Variants in C12orf42 observed in about 807,000 individuals in gnomAD.
C12orf42 encodes chromosome 12 open reading frame 42.
In C12orf42, 25 loss-of-function variants were observed where a neutral mutation model predicts 21.6. That is an observed-to-expected ratio of 1.16 (90% CI 0.84 to 1.62). C12orf42 has a LOEUF of 1.62. Among genes scored for constraint, C12orf42 ranks in the 40% most tolerant of loss-of-function variants. The pLI, the probability that C12orf42 is intolerant of heterozygous loss-of-function variation, is 0.00. For synonymous variants in C12orf42, 174 were observed against 175.0 expected (o/e 0.99, Z 0.05); for missense variants, 483 against 459.3 (o/e 1.05, Z -0.47).
intron 1 of C12orf42, among the ~76,000 whole-genome samples, chr12:103,481,277 G>A (rs889543562): frequency 6.6e-6 from 1 of 151,802 alleles, no homozygotes; most frequent in Non-Finnish European, 1.5e-5. Flanking sequence ...GTATGTGGCT[G>A]AAGAAATATT....
At chr12:103,448,122 A>G (rs775765734) in intron 2 of C12orf42, among the ~76,000 whole-genome samples, 1 of 151,986 alleles carries the variant, frequency 6.6e-6, no homozygotes, top group African/African-American at 2.4e-5. Context: ...AGAATAGAAA[A>G]CCCAGAGATA....
In C12orf42 at chr12:103,302,222, G is replaced by A. The variant is rs375232901; in HGVS notation, c.969C>T (p.Pro323=). Residue 323 remains proline, a synonymous_variant, in exon 6 of 6, where the codon CCC becomes CCT. Coordinates refer to ENST00000548883, the MANE Select transcript of C12orf42 (RefSeq NM_198521.5). ...AGCAAACCTTTATTAACCTCTTGGA[G>A]GGGAAATGGGTGGAAGCACCGGCCA... is the stretch of plus-strand genomic sequence containing the variant. The part of the protein sequence containing the change: ...PLLAGASTHF[P]SKRLIKVCSS... 13 of 1,612,154 alleles carry A rather than the reference G, an allele frequency of 8.1e-6. No individual in the cohort carries two copies. In the African/African-American group the frequency reaches 1.2e-4, roughly 15 times the overall value.
chr12:103,528,088 T>G, the C12orf42 span, among the ~76,000 whole-genome samples: 3 of 152,230 alleles, frequency 2.0e-5, no homozygotes, highest in Non-Finnish European at 4.4e-5. Context: ...AATACTGGCT[T>G]ACTATAGGCA....
chr12:103,536,263 G>A, the C12orf42 span, among the ~76,000 whole-genome samples: 3 of 152,150 alleles, frequency 2.0e-5, no homozygotes, highest in Non-Finnish European at 4.4e-5. Flanking sequence ...TCTGAGAGAG[G>A]AACACAAGAG....
At chr12:103,294,639 G>GAAAAAGAAAGAAA in intron 4 of C12orf42, among the ~76,000 whole-genome samples, 1 of 119,196 alleles carries the variant, frequency 8.4e-6, no homozygotes, top group African/African-American at 3.1e-5. Context: ...AAAGAAAGAA[G>GAAAAAGAAAGAAA]GAAAAGAAAG....
chr12:103,188,147 G>T, the C12orf42 span, among the ~76,000 whole-genome samples: 1 of 152,130 alleles, frequency 6.6e-6, no homozygotes, highest in Non-Finnish European at 1.5e-5. Context: ...GTTCAGAAAT[G>T]AGCAGTTCAC....
chr12:103,190,472 T>C, the C12orf42 span, among the ~76,000 whole-genome samples: 5 of 152,182 alleles, frequency 3.3e-5, no homozygotes, highest in Non-Finnish European at 5.9e-5. Context: ...TCCAGTCAAG[T>C]TGACATCTAA....
chr12:103,324,992 T>C (rs2040534991), intron 4 of C12orf42, among the ~76,000 whole-genome samples: 2 of 152,318 alleles, frequency 1.3e-5, no homozygotes, highest in South Asian at 2.1e-4. Context: ...TAACCGAAAA[T>C]TAACAAAAAT....
intron 2 of C12orf42, among the ~76,000 whole-genome samples, chr12:103,408,871 C>G (rs1447036398): frequency 2.0e-5 from 3 of 152,116 alleles, no homozygotes; most frequent in Non-Finnish European, 4.4e-5. Flanking sequence ...CTAAAAAATC[C>G]AGGAGATGAA....
the C12orf42 span, among the ~76,000 whole-genome samples, chr12:103,058,187 C>A: frequency 6.6e-6 from 1 of 152,036 alleles, no homozygotes; most frequent in Non-Finnish European, 1.5e-5. Flanking sequence ...GATCTCTTGA[C>A]CTCGTGATCC....
intron 4 of C12orf42, among the ~76,000 whole-genome samples, chr12:103,343,041 C>A: frequency 6.6e-6 from 1 of 152,142 alleles, no homozygotes; most frequent in East Asian, 1.9e-4. Context: ...TAGCACAAAT[C>A]CAAATGGAAT....
chr12:103,077,121 G>A, the C12orf42 span, among the ~76,000 whole-genome samples: 1 of 152,110 alleles, frequency 6.6e-6, no homozygotes, highest in Non-Finnish European at 1.5e-5. Context: ...AAATTATTAA[G>A]GTTAATATGA....
chr12:103,380,550 T>C (rs149049468), intron 3 of C12orf42, among the ~76,000 whole-genome samples: 27 of 152,304 alleles, frequency 1.8e-4, no homozygotes, highest in Non-Finnish European at 3.8e-4. Flanking sequence ...ATTAGAACTT[T>C]GTTGTATAAA....
intron 1 of C12orf42, among the ~76,000 whole-genome samples, chr12:103,489,924 G>A (rs1022527751): frequency 5.3e-5 from 8 of 152,256 alleles, no homozygotes; most frequent in Admixed American, 3.9e-4. Flanking sequence ...CCAATGCCCC[G>A]CCCTGCTTCA....
chr12:103,442,237 A>G (rs932531507), intron 2 of C12orf42, among the ~76,000 whole-genome samples: 1 of 152,240 alleles, frequency 6.6e-6, no homozygotes, highest in African/African-American at 2.4e-5. Context: ...TAATGTCAGC[A>G]ACTAACCATA....
At chr12:103,500,229 A>G (rs116744926), upstream of C12orf42, among the ~76,000 whole-genome samples, 696 of 152,328 alleles carry the variant, frequency 4.6e-3, 7 homozygotes, top group African/African-American at 0.015. Context: ...AATGGAAGCT[A>G]CAGAAAGTTA....
chr12:103,178,651 G>A, the C12orf42 span: 1 of 152,180 alleles, frequency 6.6e-6, no homozygotes, highest in East Asian at 1.9e-4. Context: ...GTGCTTTAGA[G>A]CAACGTGGTT....
chr12:103,459,918 C>T (rs1318757914), intron 2 of C12orf42, among the ~76,000 whole-genome samples: 2 of 152,118 alleles, frequency 1.3e-5, no homozygotes, highest in African/African-American at 4.8e-5. Flanking sequence ...TGTCATTCTC[C>T]ATACCTCTAC....
At chr12:103,525,527 A>C in the C12orf42 span, among the ~76,000 whole-genome samples, 1 of 152,182 alleles carries the variant, frequency 6.6e-6, no homozygotes, top group Non-Finnish European at 1.5e-5. Context: ...TTCATGTATA[A>C]TATTAACCCA....
Sources: gnomAD v4.1 joint callset for allele counts (sites outside exome capture counted in the v4.1 genomes callset) on GRCh38, gnomAD v4.1.1 for gene constraint, MANE v1.5 for transcripts, NCBI Gene and HGNC (gene_info 2026-07-23, HGNC 2026-07-21) for gene names.